RNGTT: variants seen among roughly 807,000 people sequenced by gnomAD.
The protein encoded by RNGTT is RNA guanylyltransferase and 5'-phosphatase.
A neutral mutation model predicts 79.3 loss-of-function variants in RNGTT; 33 were observed. That is an observed-to-expected ratio of 0.42 (90% confidence interval 0.32 to 0.56). The LOEUF is 0.56. Ranked by LOEUF, RNGTT falls within the 20% of genes least tolerant of loss-of-function variation. RNGTT has a pLI of 0.17. For synonymous variants in RNGTT, 222 were observed against 235.9 expected (o/e 0.94, Z 0.54); for missense variants, 497 against 739.1 (o/e 0.67, Z 3.80).
At chr6:88,878,076 G>GTTTATTTATTTATTTA (rs201880221) in intron 8 of RNGTT, among the ~76,000 whole-genome samples, 1 of 150,470 alleles carries the variant, frequency 6.6e-6, no homozygotes, top group African/African-American at 2.5e-5. Flanking sequence ...AATTTCATTT[G>GTTTATTTATTTATTTA]TTTATTTATT....
rs747787226 is a variant in RNGTT, at chr6:88,611,280, T to TATTCAGTCTACCGGGTA, written c.*1422_*1438dup. On this transcript the variant is annotated 3_prime_UTR_variant, in exon 16 of 16. Transcript: ENST00000369485. ...ATGTCCATATAGAAATCCCGTCAGATATTCAGTCTACCGGGTAATTCAGTT... is the reference window on the plus strand; with the variant it reads ...ATGTCCATATAGAAATCCCGTCAGATATTCAGTCTACCGGGTAATTCAGTCTACCGGGTAATTCAGTT... The TATTCAGTCTACCGGGTA allele has an allele frequency of 2.0e-5, 3 of 152,676 alleles. No individual in the cohort carries two copies. The highest frequency in any genetic ancestry group is 4.4e-5 in the Non-Finnish European group (3 of 68,036). The allele number at this position is 152,676 out of a possible 1,614,324, so 9.5% of individuals were successfully genotyped here.
At chr6:88,893,168 G>T (rs1437024097) in intron 6 of RNGTT, among the ~76,000 whole-genome samples, 1 of 152,040 alleles carries the variant, frequency 6.6e-6, no homozygotes, top group East Asian at 1.9e-4. Context: ...GATAGATGAG[G>T]TTTGTAACAT....
chr6:88,800,107 T>C (rs1251052922), intron 12 of RNGTT, among the ~76,000 whole-genome samples: 1 of 152,164 alleles, frequency 6.6e-6, no homozygotes, highest in Admixed American at 6.5e-5. Flanking sequence ...CAATCACATA[T>C]CACATTGTCT....
chr6:88,808,204 T>C (rs958443197), intron 11 of RNGTT, among the ~76,000 whole-genome samples: 3 of 152,144 alleles, frequency 2.0e-5, no homozygotes, highest in Non-Finnish European at 4.4e-5. Flanking sequence ...ATTGACTAAT[T>C]AAAGTAAAAA....
At chr6:88,625,620 G>A (rs1172373238) in intron 14 of RNGTT, among the ~76,000 whole-genome samples, 1 of 151,752 alleles carries the variant, frequency 6.6e-6, no homozygotes, top group Non-Finnish European at 1.5e-5. Flanking sequence ...TTTTTTAATG[G>A]CGGTGGTGGG....
chr6:88,930,044 A>ATATACATGTACATGTATATGCATATG, intron 2 of RNGTT, among the ~76,000 whole-genome samples: 1 of 143,684 alleles, frequency 7.0e-6, no homozygotes, highest in Middle Eastern at 4.4e-3. Flanking sequence ...ATATATGCAT[A>ATATACATGTACATGTATATGCATATG]TATACATATA....
chr6:88,651,752 C>G (rs1285928247), intron 14 of RNGTT, among the ~76,000 whole-genome samples: 7 of 151,618 alleles, frequency 4.6e-5, no homozygotes, highest in African/African-American at 1.5e-4. Context: ...TTCTTGCCCC[C>G]CCAAATTTTT....
At chr6:88,867,657 T>C (rs183314284) in intron 8 of RNGTT, among the ~76,000 whole-genome samples, 2 of 152,280 alleles carry the variant, frequency 1.3e-5, no homozygotes, top group African/African-American at 4.8e-5. Flanking sequence ...AATGTGCTTG[T>C]TTTGATCCTA....
intron 14 of RNGTT, among the ~76,000 whole-genome samples, chr6:88,639,416 C>CA (rs567095337): frequency 5.9e-5 from 9 of 152,020 alleles, no homozygotes; most frequent in Admixed American, 5.9e-4. Context: ...ATTTCAGTGG[C>CA]AAGTAAAGAT....
Position 88,763,838 on chromosome 6 carries a change from C to T in RNGTT, c.1439+5936G>A, listed in dbSNP as rs549866038. On this transcript the variant is annotated intron_variant, in intron 13 of 15. Coordinates refer to ENST00000369485, the MANE Select transcript of RNGTT (RefSeq NM_003800.5). The stretch of plus-strand genomic sequence containing the variant: ...CACTATCAGTGGATACTAAAAAGGA[C>T]GTTACAAAGATTAACAATCACTGTG... Among the ~76,000 whole-genome samples, 27 of 152,238 alleles carry T rather than the reference C, an allele frequency of 1.8e-4. No individual in the cohort carries two copies. In the South Asian group the frequency reaches 4.2e-3, roughly 23 times the overall value.
chr6:88,674,335 T>G (rs1265784770), intron 14 of RNGTT, among the ~76,000 whole-genome samples: 1 of 151,904 alleles, frequency 6.6e-6, no homozygotes, highest in Non-Finnish European at 1.5e-5. Flanking sequence ...ATCATTTGAG[T>G]CCAGGAGTTT....
intron 6 of RNGTT, among the ~76,000 whole-genome samples, chr6:88,897,013 T>C (rs1227221846): frequency 1.3e-5 from 2 of 152,180 alleles, no homozygotes; most frequent in East Asian, 1.9e-4. Context: ...CTCACATTGA[T>C]TGAGTGCCGA....
At chr6:88,896,528 G>A (rs1272676103) in intron 6 of RNGTT, among the ~76,000 whole-genome samples, 1 of 152,146 alleles carries the variant, frequency 6.6e-6, no homozygotes, top group Admixed American at 6.5e-5. Context: ...ACAATGAGAA[G>A]ACTGATACAA....
chr6:88,830,901 C>A (rs1321805426), intron 11 of RNGTT, among the ~76,000 whole-genome samples: 1 of 152,144 alleles, frequency 6.6e-6, no homozygotes, highest in African/African-American at 2.4e-5. Context: ...GAAGTCAAAT[C>A]CCTGAATAGA....
In RNGTT at chr6:88,776,493, AT is replaced by A. The variant is rs558080038; in HGVS notation, c.1339-6620del. Among the ~76,000 whole-genome samples, 283 of 149,420 alleles carry A rather than the reference AT, an allele frequency of 1.9e-3. 1 individual carries two copies. Among genetic ancestry groups the A allele is most frequent in the African/African-American group, 6.5e-3 (263 of 40,670 alleles). On this transcript the variant is annotated intron_variant, in intron 12 of 15. Coordinates refer to ENST00000369485, the MANE Select transcript of RNGTT (RefSeq NM_003800.5). ...TGCCAGCAGGCCCAGCTAATTTTGC[AT>A]TTTTTTTTCTTCTTTTTTTTAGTAG...
intron 9 of RNGTT, among the ~76,000 whole-genome samples, chr6:88,852,048 C>T (rs1055405328): frequency 6.6e-6 from 1 of 152,002 alleles, no homozygotes; most frequent in South Asian, 2.1e-4. Flanking sequence ...GTTTCTAATG[C>T]CAACTCCTAC....
chr6:88,952,924 G>A (rs1785302660), intron 1 of RNGTT, among the ~76,000 whole-genome samples: 1 of 152,182 alleles, frequency 6.6e-6, no homozygotes, highest in South Asian at 2.1e-4. Flanking sequence ...GGAAGGGAGA[G>A]AGCACAACAT....
At chr6:88,720,494 T>C (rs541065528) in intron 13 of RNGTT, among the ~76,000 whole-genome samples, 5 of 152,196 alleles carry the variant, frequency 3.3e-5, no homozygotes, top group African/African-American at 9.6e-5. Context: ...AGTGTTCTCA[T>C]CCAAACCCTG....
chr6:88,800,843 G>T (rs1434515726), intron 12 of RNGTT, among the ~76,000 whole-genome samples: 1 of 152,120 alleles, frequency 6.6e-6, no homozygotes, highest in Non-Finnish European at 1.5e-5. Context: ...TATATTTTTG[G>T]TTGTCACAAA....
Sources: gnomAD v4.1 joint callset for allele counts (sites outside exome capture counted in the v4.1 genomes callset) on GRCh38, gnomAD v4.1.1 for gene constraint, MANE v1.5 for transcripts, NCBI Gene and HGNC (gene_info 2026-07-23, HGNC 2026-07-21) for gene names.